Variants in SPMIP7 observed in about 807,000 individuals in gnomAD.
SPMIP7 encodes protein SPMIP7.
the SPMIP7 span, among the ~76,000 whole-genome samples, chr7:50,110,558 T>G: frequency 6.9e-6 from 1 of 143,908 alleles, no homozygotes; most frequent in East Asian, 2.0e-4. Flanking sequence ...TATATGCTTA[T>G]ATTTATATAT....
the SPMIP7 span, among the ~76,000 whole-genome samples, chr7:50,145,575 T>G: frequency 7.6e-6 from 1 of 131,934 alleles, no homozygotes; most frequent in Non-Finnish European, 1.6e-5. Context: ...TATATGTATA[T>G]ATATATATGT....
At chr7:50,097,880 A>G in the SPMIP7 span, among the ~76,000 whole-genome samples, 5 of 152,192 alleles carry the variant, frequency 3.3e-5, no homozygotes, top group South Asian at 4.1e-4. Context: ...TAACACTTGT[A>G]AAGTGCTTAG....
the SPMIP7 span, among the ~76,000 whole-genome samples, chr7:50,134,472 T>C: frequency 6.6e-6 from 1 of 152,204 alleles, no homozygotes; most frequent in Non-Finnish European, 1.5e-5. Context: ...ATGTTTTCAA[T>C]ATTCAAAACT....
chr7:50,098,502 C>T, the SPMIP7 span, among the ~76,000 whole-genome samples: 9 of 152,098 alleles, frequency 5.9e-5, no homozygotes, highest in Middle Eastern at 3.4e-3. Context: ...TTTTTTAAAC[C>T]ATTGTATTAA....
At chr7:50,096,393 T>C in the SPMIP7 span, 1 of 1,552,002 alleles carries the variant, frequency 6.4e-7, no homozygotes, top group Non-Finnish European at 8.7e-7. Flanking sequence ...GATGTGACCT[T>C]AGGTGATTCC....
the SPMIP7 span, among the ~76,000 whole-genome samples, chr7:50,108,774 T>G: frequency 6.6e-6 from 1 of 152,168 alleles, no homozygotes; most frequent in Non-Finnish European, 1.5e-5. Context: ...ATTTGAAACA[T>G]GTACATAATT....
the SPMIP7 span, among the ~76,000 whole-genome samples, chr7:50,133,235 T>TTGTGTGTG: frequency 6.6e-6 from 1 of 150,522 alleles, no homozygotes; most frequent in African/African-American, 2.4e-5. Flanking sequence ...GTGTGTGTGT[T>TTGTGTGTG]TGTGTGTGTG....
the SPMIP7 span, among the ~76,000 whole-genome samples, chr7:50,122,221 C>A: frequency 6.6e-6 from 1 of 152,096 alleles, no homozygotes; most frequent in South Asian, 2.1e-4. Context: ...GAGATGAAAG[C>A]ATGTGATAAA....
chr7:50,156,662 A>C, the SPMIP7 span, among the ~76,000 whole-genome samples: 4 of 150,888 alleles, frequency 2.7e-5, no homozygotes, highest in African/African-American at 9.8e-5. Context: ...TATTTCCATC[A>C]CTGCTGTCTC....
the SPMIP7 span, among the ~76,000 whole-genome samples, chr7:50,117,008 C>T: frequency 1.3e-5 from 2 of 152,108 alleles, no homozygotes; most frequent in African/African-American, 4.8e-5. Flanking sequence ...CAATAAGAGG[C>T]GTTCTCAAGC....
the SPMIP7 span, among the ~76,000 whole-genome samples, chr7:50,126,709 A>C: frequency 6.6e-6 from 1 of 152,108 alleles, no homozygotes; most frequent in African/African-American, 2.4e-5. Flanking sequence ...AGGAATGCAA[A>C]TATTCACTTA....
At chr7:50,103,095 T>A in the SPMIP7 span, among the ~76,000 whole-genome samples, 3 of 149,870 alleles carry the variant, frequency 2.0e-5, no homozygotes, top group African/African-American at 7.3e-5. Context: ...AGGTGGCATC[T>A]GTGATAGAGC....
the SPMIP7 span, among the ~76,000 whole-genome samples, chr7:50,098,844 G>GGT: frequency 2.0e-5 from 3 of 151,146 alleles, no homozygotes; most frequent in Non-Finnish European, 3.0e-5. Context: ...AATCTGGGGG[G>GGT]ATACAGACAT....
the SPMIP7 span, among the ~76,000 whole-genome samples, chr7:50,127,551 C>T: frequency 2.0e-5 from 3 of 148,822 alleles, no homozygotes; most frequent in South Asian, 6.3e-4. Context: ...AACTCTATAG[C>T]TATGTATATA....
chr7:50,132,267 C>T, the SPMIP7 span, among the ~76,000 whole-genome samples: 1 of 152,074 alleles, frequency 6.6e-6, no homozygotes, highest in Non-Finnish European at 1.5e-5. Flanking sequence ...TCTTTTTCAC[C>T]TCAATTTTCT....
the SPMIP7 span, among the ~76,000 whole-genome samples, chr7:50,143,860 T>C: frequency 0.036 from 5,468 of 152,324 alleles, 140 homozygotes; most frequent in Middle Eastern, 0.061. Context: ...ACACAGAACA[T>C]TTTTACCACT....
chr7:50,129,715 A>G, the SPMIP7 span: 1 of 1,539,648 alleles, frequency 6.5e-7, no homozygotes, highest in Non-Finnish European at 8.8e-7. Flanking sequence ...CATGCCTTCT[A>G]GGATGAAGGT....
the SPMIP7 span, among the ~76,000 whole-genome samples, chr7:50,127,089 C>T: frequency 6.6e-6 from 1 of 151,824 alleles, no homozygotes; most frequent in Non-Finnish European, 1.5e-5. Context: ...TTAGGGAGCC[C>T]ACATATAAAT....
chr7:50,136,005 G>T, the SPMIP7 span: 1 of 883,832 alleles, frequency 1.1e-6, no homozygotes, highest in Non-Finnish European at 1.8e-6. Context: ...GCATAGCTAT[G>T]ACGTAGAAAG....
Sources: allele counts gnomAD v4.1 joint callset (sites outside exome capture counted in the v4.1 genomes callset), GRCh38; gene constraint gnomAD v4.1.1; transcripts MANE v1.5; gene names NCBI Gene and HGNC (gene_info 2026-07-23, HGNC 2026-07-21).